BBX: variants seen among roughly 807,000 people sequenced by gnomAD.
BBX encodes HMG box transcription factor BBX.
Under a neutral mutation model 100.2 loss-of-function variants are expected in BBX, and 30 were observed. That is an observed-to-expected ratio of 0.30 (90% CI 0.22 to 0.41). The LOEUF is 0.41. BBX is among the 10% of genes least tolerant of loss of function. BBX has a pLI of 1.00. For missense variants in BBX, 1,023 were observed against 1,129.8 expected, an observed-to-expected ratio of 0.91 and a Z score of 1.35; for synonymous variants, 376 against 388.1, an observed-to-expected ratio of 0.97 and a Z score of 0.37.
In BBX at chr3:107,773,777, G is replaced by T; in HGVS notation, c.1915+141G>T. 1.3e-6 allele frequency: 1 copy of T among 790,616 alleles called. No homozygotes were observed. The highest frequency in any genetic ancestry group is 1.9e-6 in the Non-Finnish European group (1 of 519,282). The allele number at this position is 790,616 out of a possible 1,614,324, so 49.0% of individuals were successfully genotyped here. A position where few individuals can be genotyped will look rare whatever the true frequency, so the allele number is the denominator to read the frequency against. ...TTTGTATATTTCTTTATGGTTTATA[G>T]ATCATAATTATTTGTTACTTTACTT... On this transcript the variant is annotated intron_variant, in intron 11 of 17. Coordinates refer to ENST00000325805, the MANE Select transcript of BBX (RefSeq NM_001142568.3). This position sits in a 1 kb window ranked among gnomAD's most constrained non-coding sequence, Gnocchi z 4.1.
chr3:107,542,939 T>C (rs372071651), intron 2 of BBX, among the ~76,000 whole-genome samples: 1 of 149,040 alleles, frequency 6.7e-6, no homozygotes, highest in African/African-American at 2.4e-5. Flanking sequence ...AAGAGCTTTT[T>C]CTCTATTTGT....
rs1276389855 is a variant in BBX at position 107,773,827 on chromosome 3, G to A, written c.1915+191G>A. 6.6e-6 allele frequency among the ~76,000 whole-genome samples: 1 copy of A among 152,102 alleles called. No individual in the cohort carries two copies. Among genetic ancestry groups the A allele is most frequent in the Non-Finnish European group, 1.5e-5 (1 of 68,026 alleles). Reference sequence around the variant, plus strand: ...TACATGTTTTCTAGCACCATTAAGGGAAGTGTATTCATTTTGTAGGTAGTT... The same window carrying A: ...TACATGTTTTCTAGCACCATTAAGGAAAGTGTATTCATTTTGTAGGTAGTT... On this transcript the variant is annotated intron_variant, in intron 11 of 17. Transcript: ENST00000325805. The surrounding 1 kb of genome is among the most constrained non-coding windows in gnomAD (Gnocchi z 4.1).
chr3:107,722,779 A>G (rs1229697694), intron 5 of BBX, among the ~76,000 whole-genome samples: 1 of 152,064 alleles, frequency 6.6e-6, no homozygotes, highest in Non-Finnish European at 1.5e-5. Context: ...GCTAGCAAGA[A>G]TAATTCAGAT....
At chr3:107,787,818 A>G (rs2068597915) in intron 13 of BBX, among the ~76,000 whole-genome samples, 2 of 152,108 alleles carry the variant, frequency 1.3e-5, no homozygotes, top group South Asian at 4.1e-4. Context: ...GGAGAAGAAC[A>G]TTTTCTAGGC....
chr3:107,701,516 G>A (rs887982108), intron 3 of BBX, among the ~76,000 whole-genome samples: 1 of 152,194 alleles, frequency 6.6e-6, no homozygotes, highest in African/African-American at 2.4e-5. Flanking sequence ...TTGTATAATG[G>A]TCAAGAACCA....
At chr3:107,649,119 C>A (rs2057691911) in intron 3 of BBX, among the ~76,000 whole-genome samples, 1 of 152,128 alleles carries the variant, frequency 6.6e-6, no homozygotes, top group Admixed American at 6.5e-5. Flanking sequence ...CGGGGACTCC[C>A]CTTTATAAAA....
chr3:107,767,181 C>T (rs2066463191), intron 10 of BBX, among the ~76,000 whole-genome samples: 2 of 152,160 alleles, frequency 1.3e-5, no homozygotes, highest in Admixed American at 6.5e-5. Flanking sequence ...GCATATGTAT[C>T]CCATAACTTA....
At chr3:107,652,564 CATTA>C (rs1490549727) in intron 3 of BBX, among the ~76,000 whole-genome samples, 9 of 152,162 alleles carry the variant, frequency 5.9e-5, no homozygotes, top group Non-Finnish European at 8.8e-5. Context: ...TTCTTCTTAA[CATTA>C]AGATCAATCT....
chr3:107,609,205 T>C (rs2054657176), intron 2 of BBX, among the ~76,000 whole-genome samples: 1 of 152,190 alleles, frequency 6.6e-6, no homozygotes, highest in Non-Finnish European at 1.5e-5. Flanking sequence ...TTGCATATGT[T>C]GAGCCATCCT....
chr3:107,721,839 T>C (rs2062563358), intron 5 of BBX, among the ~76,000 whole-genome samples: 2 of 152,042 alleles, frequency 1.3e-5, no homozygotes, highest in Admixed American at 1.3e-4. Flanking sequence ...TCACAGAGTT[T>C]ATGTAAGATA....
At chr3:107,683,423 G>C (rs2059672222) in intron 3 of BBX, among the ~76,000 whole-genome samples, 1 of 151,960 alleles carries the variant, frequency 6.6e-6, no homozygotes. Flanking sequence ...TCTTTTTCAG[G>C]GAAAAGAAAA....
chr3:107,647,426 G>C (rs2057584597), intron 3 of BBX, among the ~76,000 whole-genome samples: 1 of 152,176 alleles, frequency 6.6e-6, no homozygotes, highest in South Asian at 2.1e-4. Context: ...ATTTCTGAAT[G>C]TTAATCAGAT....
chr3:107,798,424 C>T, intron 15 of BBX, 99 bp from the exon 16 acceptor site: 3 of 1,132,968 alleles, frequency 2.6e-6, no homozygotes, highest in Non-Finnish European at 3.9e-6. Context: ...GTAAATTCTC[C>T]ATTCAGACGG....
intron 12 of BBX, 43 bp from the exon 13 acceptor site, chr3:107,778,328 A>C (rs2067494674): frequency 1.2e-6 from 2 of 1,603,586 alleles, no homozygotes; most frequent in African/African-American, 2.7e-5. Context: ...TCTGTGTCAT[A>C]TTTGGTCATG....
chr3:107,523,847 T>A (rs1235863317), intron 1 of BBX, among the ~76,000 whole-genome samples: 2 of 152,078 alleles, frequency 1.3e-5, no homozygotes, highest in African/African-American at 4.8e-5. Context: ...CGCAGATCAG[T>A]GCCCTCTCAC....
At chr3:107,620,667 T>C (rs1335781689) in intron 2 of BBX, among the ~76,000 whole-genome samples, 1 of 152,206 alleles carries the variant, frequency 6.6e-6, no homozygotes, top group African/African-American at 2.4e-5. Context: ...GGGCACAGTC[T>C]ACCTTTCACC....
chr3:107,792,822 C>A (rs1327253629), intron 15 of BBX, among the ~76,000 whole-genome samples: 1 of 152,084 alleles, frequency 6.6e-6, no homozygotes, highest in African/African-American at 2.4e-5. Context: ...GACCACTTTA[C>A]TCTTTACTTA....
chr3:107,699,613 A>C (rs1347105518), intron 3 of BBX, among the ~76,000 whole-genome samples: 1 of 151,920 alleles, frequency 6.6e-6, no homozygotes, highest in Non-Finnish European at 1.5e-5. Context: ...TCTTTGTAAG[A>C]GGTAGAAGGG....
At chr3:107,568,702 T>C (rs1015467036) in intron 2 of BBX, among the ~76,000 whole-genome samples, 1 of 152,220 alleles carries the variant, frequency 6.6e-6, no homozygotes, top group Non-Finnish European at 1.5e-5. Context: ...TTTCTTTCTT[T>C]TGCATTCTGG....
Sources: allele counts gnomAD v4.1 joint callset (sites outside exome capture counted in the v4.1 genomes callset), GRCh38; gene constraint gnomAD v4.1.1; non-coding constraint Gnocchi (gnomAD v3.1); transcripts MANE v1.5; gene names NCBI Gene and HGNC (gene_info 2026-07-23, HGNC 2026-07-21).